The following PRR5 variants were observed in gnomAD, a reference collection of about 807,000 sequenced individuals.
PRR5 encodes the protein proline rich 5, also known as proline-rich protein 5.
A neutral mutation model predicts 30.6 loss-of-function variants in PRR5; 25 were observed. That is an observed-to-expected ratio of 0.82 (90% CI 0.60 to 1.14). PRR5 has a LOEUF of 1.14. Ranked by LOEUF, PRR5 falls within the 50% of genes most tolerant of loss-of-function variation. PRR5 has a pLI of 0.00. For missense variants in PRR5, 600 were observed against 547.1 expected, an observed-to-expected ratio of 1.10 and a Z score of -0.96; for synonymous variants, 286 against 247.1, an observed-to-expected ratio of 1.16 and a Z score of -1.48.
intron 1 of PRR5, among the ~76,000 whole-genome samples, chr22:44,712,145 C>T (rs547621580): frequency 6.6e-6 from 1 of 152,228 alleles, no homozygotes; most frequent in East Asian, 1.9e-4. Flanking sequence ...CTAGGGGTGG[C>T]GCTCTCACGA....
chr22:44,678,614 C>T (rs891690111), intron 1 of PRR5, among the ~76,000 whole-genome samples: 3 of 152,184 alleles, frequency 2.0e-5, no homozygotes, highest in African/African-American at 7.2e-5. Context: ...CGCGCCCTGC[C>T]TGCTAGTTCT....
At position 44,691,507 on chromosome 22, in the gene PRR5, T is replaced by TGCAGTTTGGGAGGCCGA. The variant is rs1425386858; in HGVS notation, c.-10-10966_-10-10950dup. ...AGAGTTGGGGCCCCTCCAGCGCCCCTGCAGTTTGGGAGGCCGAGCAGTTTG... is the reference window on the plus strand; with the variant it reads ...AGAGTTGGGGCCCCTCCAGCGCCCCTGCAGTTTGGGAGGCCGAGCAGTTTGGGAGGCCGAGCAGTTTG... On this transcript the variant is annotated intron_variant, in intron 1 of 8. Transcript: ENST00000006251. The surrounding 1 kb of genome is among the most constrained non-coding windows in gnomAD (Gnocchi z 4.4). Among the ~76,000 whole-genome samples, 1 of 152,066 alleles carries TGCAGTTTGGGAGGCCGA rather than the reference T, an allele frequency of 6.6e-6. No individual in the cohort carries two copies. Among genetic ancestry groups the TGCAGTTTGGGAGGCCGA allele is most frequent in the African/African-American group, 2.4e-5 (1 of 41,436 alleles).
chr22:44,685,025 C>T (rs868590234), intron 1 of PRR5, among the ~76,000 whole-genome samples: 7 of 152,290 alleles, frequency 4.6e-5, no homozygotes, highest in African/African-American at 1.7e-4. Flanking sequence ...GCGTGTAGCT[C>T]CAGAGTCACA....
intron 6 of PRR5, among the ~76,000 whole-genome samples, chr22:44,733,500 G>A (rs577184225): frequency 1.3e-5 from 2 of 152,212 alleles, no homozygotes; most frequent in African/African-American, 4.8e-5. Context: ...CAAGGAAGGG[G>A]CGGCCAGTGT....
rs184172705 is a variant in PRR5 at position 44,681,376 on chromosome 22, T to C, written c.-11+4136T>C. ...AGGCCGAGGCGGGCAGATCATGAGG[T>C]CAGCAGTTTGAGACCAGCCTGGCCA... On this transcript the variant is annotated intron_variant, in intron 1 of 8. Coordinates refer to the PRR5 transcript ENST00000006251. 2.7e-3 allele frequency among the ~76,000 whole-genome samples: 414 copies of C among 152,138 alleles called. 1 individual carries two copies. The highest frequency in any genetic ancestry group is 4.3e-3 in the Non-Finnish European group (292 of 67,986).
chr22:44,702,629 C>T, intron 1 of PRR5, 21 bp downstream of exon 1: 1 of 1,275,518 alleles, frequency 7.8e-7, no homozygotes, highest in Non-Finnish European at 9.9e-7. Flanking sequence ...GCCCTCCCGG[C>T]CACCCGGAGG....
At chr22:44,699,960 G>A (rs1926108755), upstream of PRR5, among the ~76,000 whole-genome samples, 1 of 151,944 alleles carries the variant, frequency 6.6e-6, no homozygotes, top group African/African-American at 2.4e-5. Flanking sequence ...CAGTAAGGTA[G>A]GAAATCCTTG....
At chr22:44,704,008 T>A (rs909867467) in intron 1 of PRR5, among the ~76,000 whole-genome samples, 51 of 152,248 alleles carry the variant, frequency 3.3e-4, no homozygotes, top group African/African-American at 1.2e-3. Context: ...ACTCTGCCTC[T>A]TCCCTACTCT....
At position 44,707,039 on chromosome 22, in the gene PRR5, T is replaced by C. The variant is rs533652101; in HGVS notation, c.134+4431T>C. On this transcript the variant is annotated intron_variant, in intron 1 of 7. Transcript: ENST00000336985. Reference sequence around the variant, plus strand: ...ATCGGGCTCTCCCAGGCTGGTGGGGTGACAGATAAAGACACGAAGTCTGAC... The same window carrying C: ...ATCGGGCTCTCCCAGGCTGGTGGGGCGACAGATAAAGACACGAAGTCTGAC... 3.3e-5 allele frequency among the ~76,000 whole-genome samples: 5 copies of C among 152,040 alleles called. No individual in the cohort carries two copies. In the South Asian group the frequency reaches 1.0e-3, roughly 32 times the overall value.
At chr22:44,672,307 G>A (rs149797023), upstream of PRR5, among the ~76,000 whole-genome samples, 14 of 152,286 alleles carry the variant, frequency 9.2e-5, no homozygotes, top group African/African-American at 2.4e-4. Flanking sequence ...CAAGATGGCC[G>A]GGCACGGTGG....
intron 4 of PRR5, chr22:44,730,758 G>T (rs3761484): frequency 0.29 from 233,757 of 800,558 alleles, 36,872 homozygotes; most frequent in African/African-American, 0.55. Context: ...CTATTGGAAG[G>T]GGTCTCCGTG....
At chr22:44,680,887 C>A (rs1924217059) in intron 1 of PRR5, among the ~76,000 whole-genome samples, 1 of 152,214 alleles carries the variant, frequency 6.6e-6, no homozygotes, top group Non-Finnish European at 1.5e-5. Flanking sequence ...CAGGGCAGGG[C>A]AGACCTGGGG....
At chr22:44,724,112 G>A (rs943383274) in intron 2 of PRR5, among the ~76,000 whole-genome samples, 2 of 152,184 alleles carry the variant, frequency 1.3e-5, no homozygotes, top group African/African-American at 4.8e-5. Flanking sequence ...CATGCAAAGA[G>A]AGGACTGCCT....
chr22:44,675,762 G>GTTGTTATTATTATTA (rs1555894616), upstream of PRR5, among the ~76,000 whole-genome samples: 6 of 142,962 alleles, frequency 4.2e-5, no homozygotes, highest in African/African-American at 1.5e-4. Flanking sequence ...TGTTGCTGTT[G>GTTGTTATTATTATTA]TTATTATTAT....
At chr22:44,677,455 A>G (rs902067905) in intron 1 of PRR5, among the ~76,000 whole-genome samples, 3 of 152,234 alleles carry the variant, frequency 2.0e-5, no homozygotes, top group African/African-American at 7.2e-5. Context: ...GATGTGACAC[A>G]GTGCTGTGAC....
chr22:44,704,692 C>G (rs1321620980), intron 1 of PRR5, among the ~76,000 whole-genome samples: 2 of 152,060 alleles, frequency 1.3e-5, no homozygotes, highest in African/African-American at 2.4e-5. Context: ...TGCCACTCTC[C>G]TAGCCCAGCG....
At chr22:44,725,415 G>C in intron 3 of PRR5, 123 bp downstream of exon 3, 1 of 1,371,576 alleles carries the variant, frequency 7.3e-7, no homozygotes, top group Non-Finnish European at 1.0e-6. Flanking sequence ...GCAGTTCCAA[G>C]GACCTGCCTC....
chr22:44,676,619 AGAG>A (rs1287653197), upstream of PRR5, among the ~76,000 whole-genome samples: 2 of 150,362 alleles, frequency 1.3e-5, no homozygotes, highest in Non-Finnish European at 3.0e-5. Context: ...GGCGGGGTGA[AGAG>A]GAGGAGGGGG....
At chr22:44,672,937 T>C (rs956217769), upstream of PRR5, among the ~76,000 whole-genome samples, 1 of 152,180 alleles carries the variant, frequency 6.6e-6, no homozygotes, top group Non-Finnish European at 1.5e-5. Context: ...CTACACAGCA[T>C]GCGCGAAGGT....
Sources: allele counts gnomAD v4.1 joint callset (sites outside exome capture counted in the v4.1 genomes callset), GRCh38; gene constraint gnomAD v4.1.1; non-coding constraint Gnocchi (gnomAD v3.1); transcripts MANE v1.5; gene names NCBI Gene and HGNC (gene_info 2026-07-23, HGNC 2026-07-21).